Variants in SRBD1 observed in about 807,000 individuals in gnomAD.
SRBD1 encodes S1 RNA-binding domain-containing protein 1.
In SRBD1, 88 loss-of-function variants were observed where a neutral mutation model predicts 115.3. That is an observed-to-expected ratio of 0.76 (90% CI 0.64 to 0.91). The LOEUF (loss-of-function observed/expected upper bound fraction) is 0.91. SRBD1 is among the 40% of genes least tolerant of loss of function. SRBD1 has a pLI of 0.00. For synonymous variants in SRBD1, 509 were observed against 407.7 expected, an observed-to-expected ratio of 1.25 and a Z score of -2.99; for missense variants, 1,385 against 1,177.4, an observed-to-expected ratio of 1.18 and a Z score of -2.58.
chr2:45,476,893 T>C (rs1204408840), intron 16 of SRBD1, 100 bp downstream of exon 16: 5 of 1,049,184 alleles, frequency 4.8e-6, no homozygotes, highest in African/African-American at 1.6e-5. Context: ...ACCTTGAAAA[T>C]GGGAATCTAC....
At chr2:45,555,792 C>A (rs1000738293) in intron 10 of SRBD1, among the ~76,000 whole-genome samples, 2 of 151,946 alleles carry the variant, frequency 1.3e-5, no homozygotes, top group African/African-American at 4.8e-5. Flanking sequence ...TCGCCAGGCC[C>A]ATTAAACTCT....
At chr2:45,528,014 T>G (rs774560233) in intron 14 of SRBD1, among the ~76,000 whole-genome samples, 1 of 151,868 alleles carries the variant, frequency 6.6e-6, no homozygotes, top group Non-Finnish European at 1.5e-5. Flanking sequence ...CTGAGGCAAT[T>G]TTGAATAATA....
intron 16 of SRBD1, among the ~76,000 whole-genome samples, chr2:45,467,502 T>A (rs973094464): frequency 1.3e-5 from 2 of 152,212 alleles, no homozygotes; most frequent in East Asian, 1.9e-4. Flanking sequence ...GCCCTGTATA[T>A]AAGCACTAGA....
Position 45,588,768 on chromosome 2 carries a change from G to C in SRBD1, c.649-2994C>G, listed in dbSNP as rs565133508. ...CCTCTGAAGAAATACAGTTTGTAGAGGTAGAAATTCAAAGTTGTAGCCATT... is the reference window on the plus strand; with the variant it reads ...CCTCTGAAGAAATACAGTTTGTAGACGTAGAAATTCAAAGTTGTAGCCATT... On this transcript the variant is annotated intron_variant, in intron 4 of 20. Transcript: ENST00000263736. 2.1e-3 allele frequency among the ~76,000 whole-genome samples: 316 copies of C among 152,340 alleles called. 2 individuals are homozygous for C. The highest frequency in any genetic ancestry group is 7.1e-3 in the African/African-American group (295 of 41,594).
At chr2:45,401,357 T>C (rs1461687225) in intron 19 of SRBD1, among the ~76,000 whole-genome samples, 1 of 152,202 alleles carries the variant, frequency 6.6e-6, no homozygotes, top group Non-Finnish European at 1.5e-5. Context: ...TCTTTTATGA[T>C]GCTATGTCTT....
intron 14 of SRBD1, among the ~76,000 whole-genome samples, chr2:45,520,481 G>A (rs779896169): frequency 2.6e-5 from 4 of 152,186 alleles, no homozygotes; most frequent in Non-Finnish European, 4.4e-5. Context: ...GGGAGAAGAG[G>A]GCAGTTCCCC....
chr2:45,548,180 G>T (rs948726262), intron 12 of SRBD1, among the ~76,000 whole-genome samples: 1 of 151,624 alleles, frequency 6.6e-6, no homozygotes, highest in African/African-American at 2.4e-5. Flanking sequence ...TAACTTACAA[G>T]TTAGGAAAAG....
At chr2:45,455,423 A>C (rs1669123082) in intron 16 of SRBD1, among the ~76,000 whole-genome samples, 1 of 151,872 alleles carries the variant, frequency 6.6e-6, no homozygotes, top group African/African-American at 2.4e-5. Flanking sequence ...GGGCTGCCTA[A>C]ATTATTTTTG....
intron 19 of SRBD1, among the ~76,000 whole-genome samples, chr2:45,409,515 CAAAAAAAA>C (rs59849294): frequency 8.5e-6 from 1 of 117,922 alleles, no homozygotes; most frequent in African/African-American, 3.2e-5. Context: ...TTGCAATAGG[CAAAAAAAA>C]AAAAAAAGAA....
intron 14 of SRBD1, among the ~76,000 whole-genome samples, chr2:45,495,534 T>C (rs1471266897): frequency 7.2e-5 from 11 of 152,198 alleles, no homozygotes; most frequent in Non-Finnish European, 1.3e-4. Flanking sequence ...ATCCCTCTTT[T>C]ATCTTTTTTC....
intron 14 of SRBD1, among the ~76,000 whole-genome samples, chr2:45,494,164 T>G (rs1385039381): frequency 1.3e-5 from 2 of 152,206 alleles, no homozygotes; most frequent in Non-Finnish European, 2.9e-5. Flanking sequence ...ATGTAAAATA[T>G]TTATGATAAA....
intron 16 of SRBD1, among the ~76,000 whole-genome samples, chr2:45,426,413 G>A (rs796705453): frequency 4.6e-5 from 7 of 152,354 alleles, no homozygotes; most frequent in African/African-American, 1.7e-4. Flanking sequence ...AGGCGTGGCT[G>A]TGGGCGCAGC....
At chr2:45,465,017 AC>A (rs1669439177) in intron 16 of SRBD1, among the ~76,000 whole-genome samples, 1 of 134,502 alleles carries the variant, frequency 7.4e-6, no homozygotes, top group Non-Finnish European at 1.7e-5. Flanking sequence ...ACACACACAC[AC>A]ACACACACAC....
At chr2:45,586,147 G>C (rs1408964352) in intron 4 of SRBD1, among the ~76,000 whole-genome samples, 1 of 152,184 alleles carries the variant, frequency 6.6e-6, no homozygotes, top group Non-Finnish European at 1.5e-5. Flanking sequence ...CATTGCTAGT[G>C]AGCAATTTGG....
In SRBD1 at chr2:45,453,383, G is replaced by A. The variant is rs575731349; in HGVS notation, c.2049+23610C>T. On this transcript the variant is annotated intron_variant, in intron 16 of 20. Coordinates refer to ENST00000263736, the MANE Select transcript of SRBD1 (RefSeq NM_018079.5). ...CCTCCAGAGTTAAGCACTTTTATTA[G>A]CTAGAACAGTCTATTTCTCTCCATT... Among the ~76,000 whole-genome samples, 4 of 151,686 alleles carry A rather than the reference G, an allele frequency of 2.6e-5. No homozygotes were observed. The East Asian group carries it at 7.7e-4, about 29-fold the overall frequency.
chr2:45,425,982 G>C (rs1040305822), intron 16 of SRBD1, among the ~76,000 whole-genome samples: 5 of 152,058 alleles, frequency 3.3e-5, no homozygotes, highest in Non-Finnish European at 7.4e-5. Context: ...GTGGTGTCTG[G>C]AATGCCAGTG....
At chr2:45,512,799 T>C (rs919933848) in intron 14 of SRBD1, among the ~76,000 whole-genome samples, 1 of 152,188 alleles carries the variant, frequency 6.6e-6, no homozygotes, top group Non-Finnish European at 1.5e-5. Context: ...GATTGTATGT[T>C]TGGAATTTGT....
At chr2:45,401,188 A>G (rs781513669) in intron 19 of SRBD1, among the ~76,000 whole-genome samples, 7 of 152,174 alleles carry the variant, frequency 4.6e-5, no homozygotes, top group Non-Finnish European at 7.4e-5. Context: ...TGGCACACAC[A>G]TGTAGTCCCA....
intron 8 of SRBD1, 29 bp downstream of exon 8, chr2:45,574,598 G>C (rs1315025646): frequency 6.3e-7 from 1 of 1,598,820 alleles, no homozygotes. Flanking sequence ...AGTCCATAAA[G>C]CAGAAAACTC....
Sources: gnomAD v4.1 joint callset for allele counts (sites outside exome capture counted in the v4.1 genomes callset) on GRCh38, gnomAD v4.1.1 for gene constraint, MANE v1.5 for transcripts, NCBI Gene and HGNC (gene_info 2026-07-23, HGNC 2026-07-21) for gene names.